The following RERG variants were observed in gnomAD, a reference collection of about 807,000 sequenced individuals.
The protein encoded by RERG is RAS like estrogen regulated growth inhibitor.
RERG carries 25 observed loss-of-function variants against 23.2 expected under a neutral mutation model. The ratio of observed to expected loss-of-function variants is 1.08; its 90% confidence interval spans 0.79 to 1.50. The LOEUF (loss-of-function observed/expected upper bound fraction) is 1.50, where lower values mean the gene tolerates loss of function less well. RERG is among the 40% of genes most tolerant of loss of function. The pLI is 0.00. For synonymous variants in RERG, 81 were observed against 89.1 expected (o/e 0.91, Z 0.51); for missense variants, 253 against 250.1 (o/e 1.01, Z -0.08).
At chr12:15,146,661 G>T (rs2136104987) in intron 2 of RERG, among the ~76,000 whole-genome samples, 1 of 152,274 alleles carries the variant, frequency 6.6e-6, no homozygotes, top group East Asian at 1.9e-4. Context: ...TATAGTGTAA[G>T]GTGCAATATG....
chr12:15,218,045 C>T (rs2136152033), intron 1 of RERG: 1 of 152,642 alleles, frequency 6.6e-6, no homozygotes, highest in Middle Eastern at 3.4e-3. Context: ...TATTAGTCAA[C>T]TCCAATGCAA....
intron 2 of RERG, among the ~76,000 whole-genome samples, chr12:15,170,387 T>C (rs934587145): frequency 2.0e-5 from 3 of 152,110 alleles, no homozygotes; most frequent in Admixed American, 2.0e-4. Flanking sequence ...AGGAACTCTG[T>C]ACTTTCTGCC....
chr12:15,118,014 T>C (rs7300142), intron 3 of RERG, among the ~76,000 whole-genome samples: 100,969 of 151,598 alleles, frequency 0.67, 33,672 homozygotes, highest in Admixed American at 0.74. Context: ...AAAATTAAAA[T>C]AAAACTAAAA....
At chr12:15,127,075 T>C (rs10846144) in intron 2 of RERG, among the ~76,000 whole-genome samples, 104,906 of 152,026 alleles carry the variant, frequency 0.69, 36,373 homozygotes, top group Admixed American at 0.75. Flanking sequence ...TTAAAGTCTT[T>C]CTTGGCCTTT....
chr12:15,163,062 G>A (rs1437811802), intron 2 of RERG, among the ~76,000 whole-genome samples: 1 of 152,244 alleles, frequency 6.6e-6, no homozygotes, highest in South Asian at 2.1e-4. Context: ...TTGTGTTAAC[G>A]AGGATCCCTA....
At position 15,109,109 on chromosome 12, in the gene RERG, C is replaced by T. The variant is rs1863550644; in HGVS notation, c.*1G>A. On this transcript the variant is annotated 3_prime_UTR_variant, in exon 5 of 5. Coordinates refer to ENST00000256953, the MANE Select transcript of RERG (RefSeq NM_032918.3). Reference sequence around the variant, plus strand: ...TAGTTGGTCCACCTCAGCTGGGCTGCCTAACTACTGATTTTGGTGAGCATC... The same window carrying T: ...TAGTTGGTCCACCTCAGCTGGGCTGTCTAACTACTGATTTTGGTGAGCATC... The T allele has an allele frequency of 6.3e-7, 1 of 1,577,764 alleles. No homozygotes were observed. The highest frequency in any genetic ancestry group is 1.4e-5 in the African/African-American group (1 of 74,002).
intron 2 of RERG, among the ~76,000 whole-genome samples, chr12:15,183,214 CATTATT>C (rs1165577224): frequency 6.6e-6 from 1 of 151,996 alleles, no homozygotes; most frequent in African/African-American, 2.4e-5. Context: ...AATAATAACT[CATTATT>C]ATATTGTCTT....
intron 3 of RERG, chr12:15,114,398 G>A (rs189807809): frequency 1.3e-5 from 2 of 152,178 alleles, no homozygotes. Flanking sequence ...AAAAAGATAA[G>A]TGAACAGGAA....
chr12:15,173,661 T>C (rs1864806720), intron 2 of RERG, among the ~76,000 whole-genome samples: 1 of 152,004 alleles, frequency 6.6e-6, no homozygotes, highest in African/African-American at 2.4e-5. Context: ...CTTTCAGTAA[T>C]ATTTTATACT....
intron 2 of RERG, among the ~76,000 whole-genome samples, chr12:15,209,325 A>G (rs1433115484): frequency 6.6e-6 from 1 of 152,234 alleles, no homozygotes; most frequent in African/African-American, 2.4e-5. Flanking sequence ...TTGAAAAAAG[A>G]ACAATTGAAT....
intron 2 of RERG, among the ~76,000 whole-genome samples, chr12:15,216,487 T>C (rs1270808686): frequency 1.3e-5 from 2 of 152,212 alleles, no homozygotes; most frequent in African/African-American, 2.4e-5. Flanking sequence ...TGTGTATTTG[T>C]CTAAGATTTT....
chr12:15,179,219 A>G (rs1215198514), intron 2 of RERG, among the ~76,000 whole-genome samples: 1 of 152,130 alleles, frequency 6.6e-6, no homozygotes, highest in East Asian at 1.9e-4. Flanking sequence ...AAATCTCTCT[A>G]TTGTCTTTTA....
At chr12:15,173,492 A>G (rs1272327507) in intron 2 of RERG, among the ~76,000 whole-genome samples, 1 of 151,964 alleles carries the variant, frequency 6.6e-6, no homozygotes, top group Non-Finnish European at 1.5e-5. Flanking sequence ...CGGCTTGTGA[A>G]TTTCAGCAAA....
chr12:15,175,177 G>T (rs571917981), intron 2 of RERG, among the ~76,000 whole-genome samples: 8,584 of 145,418 alleles, frequency 0.059, 970 homozygotes, highest in African/African-American at 0.21. Context: ...TTTTTTTTTT[G>T]TTTTGTAACT....
At chr12:15,191,290 T>C (rs892552397) in intron 2 of RERG, among the ~76,000 whole-genome samples, 3 of 152,140 alleles carry the variant, frequency 2.0e-5, no homozygotes, top group African/African-American at 7.2e-5. Context: ...TTCTAAACAG[T>C]AAATCCTTTC....
At chr12:15,120,922 T>C (rs1028597032) in intron 3 of RERG, 141 bp downstream of exon 3, 6 of 699,808 alleles carry the variant, frequency 8.6e-6, no homozygotes, top group Admixed American at 2.3e-5. Context: ...TCTAGCCTCA[T>C]AGAGGGCTTC....
chr12:15,184,423 C>G (rs1022306297), intron 2 of RERG, among the ~76,000 whole-genome samples: 1 of 139,662 alleles, frequency 7.2e-6, no homozygotes, highest in Admixed American at 6.9e-5. Flanking sequence ...TGGCTTGCTT[C>G]TTACAGAAAG....
At position 15,117,536 on chromosome 12, in the gene RERG, C is replaced by T. The variant is rs896494910; in HGVS notation, c.118+3527G>A. Among the ~76,000 whole-genome samples the T allele has an allele frequency of 2.6e-5, 4 of 152,132 alleles. 1 individual carries two copies. The highest frequency in any genetic ancestry group is 4.1e-4 in the South Asian group (2 of 4,828). ...AGAACCAAAGAACTAGTGGGTCTAA[C>T]GTCTCCTCATTCCCATCCTCATCTG... On this transcript the variant is annotated intron_variant, in intron 3 of 4. Transcript: ENST00000256953.
rs869218147 is a variant in RERG, at chr12:15,110,463, C to CTTTTTTTTTTTTTTTTTTTTTTTTT, written c.192+856_192+880dup. On this transcript the variant is annotated intron_variant, in intron 4 of 4. Coordinates refer to ENST00000256953, the MANE Select transcript of RERG (RefSeq NM_032918.3). ...CTGTCATTCCAGTGGCCATTTTTTT[C>CTTTTTTTTTTTTTTTTTTTTTTTTT]TTTTTTTTTTTTTTTTTTTTTTTTT... Among the ~76,000 whole-genome samples, 2 of 73,148 alleles carry CTTTTTTTTTTTTTTTTTTTTTTTTT rather than the reference C, an allele frequency of 2.7e-5. 1 individual carries two copies. Among genetic ancestry groups the CTTTTTTTTTTTTTTTTTTTTTTTTT allele is most frequent in the African/African-American group, 1.2e-4 (2 of 16,782 alleles). The allele number at this position is 73,148 out of a possible 152,430, so 48.0% of individuals were successfully genotyped here. A position where few individuals can be genotyped will look rare whatever the true frequency, so the allele number is the denominator to read the frequency against.
Sources: gnomAD v4.1 joint callset for allele counts (sites outside exome capture counted in the v4.1 genomes callset) on GRCh38, gnomAD v4.1.1 for gene constraint, MANE v1.5 for transcripts, NCBI Gene and HGNC (gene_info 2026-07-23, HGNC 2026-07-21) for gene names.